NCOA1: variants seen among roughly 807,000 people sequenced by gnomAD.
NCOA1 encodes the protein nuclear receptor coactivator 1.
A neutral mutation model predicts 150.9 loss-of-function variants in NCOA1; 35 were observed. The ratio of observed to expected loss-of-function variants is 0.23; its 90% confidence interval spans 0.18 to 0.31. The LOEUF (loss-of-function observed/expected upper bound fraction) is 0.31, where lower values mean the gene tolerates loss of function less well. NCOA1 is among the 10% of genes least tolerant of loss of function. The pLI is 1.00. For synonymous variants in NCOA1, 590 were observed against 630.0 expected (o/e 0.94, Z 0.95); for missense variants, 1,491 against 1,749.3 (o/e 0.85, Z 2.63).
intron 7 of NCOA1, among the ~76,000 whole-genome samples, chr2:24,682,459 G>A (rs1477563943): frequency 6.6e-6 from 1 of 152,104 alleles, no homozygotes; most frequent in Non-Finnish European, 1.5e-5. Context: ...CCCGTAGGAC[G>A]CATATGTCTT....
chr2:24,614,275 G>A (rs1413741532), intron 3 of NCOA1, among the ~76,000 whole-genome samples: 2 of 124,414 alleles, frequency 1.6e-5, no homozygotes, highest in Non-Finnish European at 3.2e-5. Context: ...GTACAGTGGT[G>A]TGATCACAGC....
At chr2:24,676,886 G>A (rs1162591567) in intron 7 of NCOA1, among the ~76,000 whole-genome samples, 2 of 152,124 alleles carry the variant, frequency 1.3e-5, no homozygotes, top group Non-Finnish European at 2.9e-5. Flanking sequence ...CTCAGAGCTC[G>A]AAGACCAGTT....
chr2:24,756,768 G>T (rs1664521845), intron 20 of NCOA1, among the ~76,000 whole-genome samples: 1 of 151,984 alleles, frequency 6.6e-6, no homozygotes, highest in South Asian at 2.1e-4. Flanking sequence ...AAATTTTCAG[G>T]GTTCAAATAC....
intron 20 of NCOA1, among the ~76,000 whole-genome samples, chr2:24,753,512 A>G (rs1156750477): frequency 6.6e-6 from 1 of 152,184 alleles, no homozygotes; most frequent in East Asian, 1.9e-4. Flanking sequence ...CATTCCCATC[A>G]TTCCACAGAA....
chr2:24,751,047 G>A (rs947345719), intron 19 of NCOA1, among the ~76,000 whole-genome samples: 1 of 150,376 alleles, frequency 6.6e-6, no homozygotes, highest in Non-Finnish European at 1.5e-5. Flanking sequence ...GTGTGCAGTG[G>A]TGCGATCTCG....
Position 24,689,331 on chromosome 2 carries a change from A to G in NCOA1, c.533-2150A>G, listed in dbSNP as rs149726131. On this transcript the variant is annotated intron_variant, in intron 8 of 22. Coordinates refer to ENST00000348332, the MANE Select transcript of NCOA1 (RefSeq NM_003743.5). ...TGGGCAGTATGGCCATTTTAATGAT[A>G]TTTATTCCTCCTATTCATGAGCATG... is the stretch of plus-strand genomic sequence containing the variant. Among the ~76,000 whole-genome samples, 639 of 151,988 alleles carry G rather than the reference A, an allele frequency of 4.2e-3. 5 individuals carry two copies. Among genetic ancestry groups the G allele is most frequent in the Middle Eastern group, 0.01 (3 of 294 alleles).
intron 4 of NCOA1, among the ~76,000 whole-genome samples, chr2:24,650,490 C>G (rs1336194904): frequency 1.3e-5 from 2 of 152,064 alleles, no homozygotes; most frequent in Admixed American, 1.3e-4. Context: ...AGAGAAACCA[C>G]AGAATTGGAG....
intron 3 of NCOA1, among the ~76,000 whole-genome samples, chr2:24,627,127 T>C (rs1284889821): frequency 2.7e-5 from 4 of 148,690 alleles, no homozygotes; most frequent in Non-Finnish European, 6.0e-5. Context: ...TGCTGTTTTT[T>C]TTTTTTTTTT....
intron 20 of NCOA1, among the ~76,000 whole-genome samples, chr2:24,754,455 A>G (rs1244597596): frequency 6.6e-6 from 1 of 152,142 alleles, no homozygotes; most frequent in Non-Finnish European, 1.5e-5. Context: ...AGTACACTGC[A>G]AACTCAGGAT....
At chr2:24,736,048 C>T (rs1663282663) in intron 17 of NCOA1, among the ~76,000 whole-genome samples, 1 of 151,606 alleles carries the variant, frequency 6.6e-6, no homozygotes. Flanking sequence ...ATGGAGAAAC[C>T]CTGTCTCTAC....
intron 1 of NCOA1, among the ~76,000 whole-genome samples, chr2:24,552,628 G>A (rs1665907127): frequency 6.6e-6 from 1 of 151,772 alleles, no homozygotes; most frequent in Non-Finnish European, 1.5e-5. Context: ...GCCTCCCAAA[G>A]TGCTGGGATT....
intron 1 of NCOA1, among the ~76,000 whole-genome samples, chr2:24,528,357 T>A (rs1664735829): frequency 1.3e-5 from 2 of 150,974 alleles, no homozygotes; most frequent in Non-Finnish European, 3.0e-5. Flanking sequence ...TTTTTTTTTT[T>A]TTTTTCTGAG....
At chr2:24,757,725 A>G (rs1483851991) in intron 20 of NCOA1, among the ~76,000 whole-genome samples, 1 of 152,114 alleles carries the variant, frequency 6.6e-6, no homozygotes, top group Non-Finnish European at 1.5e-5. Flanking sequence ...TATTTAGATG[A>G]TTGTAGCCTA....
chr2:24,706,564 C>G lies in NCOA1; in HGVS notation c.1098-4C>G, dbSNP rs1558302142. The G allele has an allele frequency of 6.3e-7, 1 of 1,597,838 alleles. No homozygotes were observed. The highest frequency in any genetic ancestry group is 2.2e-5 in the East Asian group (1 of 44,624). On this transcript the variant is annotated splice_polypyrimidine_tract_variant and splice_region_variant and intron_variant, in intron 12 of 22. Transcript: ENST00000348332. Reference sequence around the variant, plus strand: ...TTTGAATAATAATGTCTTTTTCCCCCTAGGGAGCACAGTGGGCTTTCTCCT... The same window carrying G: ...TTTGAATAATAATGTCTTTTTCCCCGTAGGGAGCACAGTGGGCTTTCTCCT...
chr2:24,736,181 G>A (rs1197208165), intron 17 of NCOA1, among the ~76,000 whole-genome samples: 1 of 148,618 alleles, frequency 6.7e-6, no homozygotes, highest in Non-Finnish European at 1.5e-5. Context: ...AGATGTCACT[G>A]TTGCACTCCA....
chr2:24,739,204 G>A lies in NCOA1; in HGVS notation c.3202-228G>A, dbSNP rs192924256. ...TCTGTCACCCAGGCTGGAGTGCAGT[G>A]TGTTTGTATCCTACTTTTAAATACT... On this transcript the variant is annotated intron_variant, in intron 17 of 22. Coordinates refer to ENST00000348332, the MANE Select transcript of NCOA1 (RefSeq NM_003743.5). Among the ~76,000 whole-genome samples, 683 of 152,240 alleles carry A rather than the reference G, an allele frequency of 4.5e-3. 3 individuals carry two copies. The highest frequency in any genetic ancestry group is 0.015 in the African/African-American group (640 of 41,556).
intron 4 of NCOA1, among the ~76,000 whole-genome samples, chr2:24,645,079 G>C (rs1003526059): frequency 2.6e-5 from 4 of 152,150 alleles, no homozygotes; most frequent in Non-Finnish European, 4.4e-5. Context: ...AATTAACAAT[G>C]AGTTTGGAAG....
At chr2:24,566,928 G>C (rs951779161) in intron 2 of NCOA1, among the ~76,000 whole-genome samples, 14 of 152,230 alleles carry the variant, frequency 9.2e-5, no homozygotes, top group African/African-American at 3.4e-4. Context: ...GTCCCTAAGA[G>C]TGCAGAGAAG....
At chr2:24,765,371 C>T (rs1312226175) in intron 22 of NCOA1, among the ~76,000 whole-genome samples, 4 of 151,826 alleles carry the variant, frequency 2.6e-5, no homozygotes, top group Admixed American at 1.3e-4. Context: ...TGGTGGCGGG[C>T]GCCTGTAGTC....
Sources: gnomAD v4.1 joint callset for allele counts (sites outside exome capture counted in the v4.1 genomes callset) on GRCh38, gnomAD v4.1.1 for gene constraint, MANE v1.5 for transcripts, NCBI Gene and HGNC (gene_info 2026-07-23, HGNC 2026-07-21) for gene names.